The following AK7 variants were observed in gnomAD, a reference collection of about 807,000 sequenced individuals.
AK7 encodes adenylate kinase 7, also known as ATP-AMP transphosphorylase 7.
A neutral mutation model predicts 96.6 loss-of-function variants in AK7; 78 were observed. The observed-to-expected ratio is 0.81, with a 90% CI of 0.67 to 0.97. The LOEUF (loss-of-function observed/expected upper bound fraction) is 0.97. AK7 is among the 50% of genes least tolerant of loss of function. The pLI is 0.00. For missense variants in AK7, 855 were observed against 887.9 expected, an observed-to-expected ratio of 0.96 and a Z score of 0.47; for synonymous variants, 302 against 317.2, an observed-to-expected ratio of 0.95 and a Z score of 0.51.
chr14:96,474,854 A>G (rs1040130782), intron 14 of AK7, among the ~76,000 whole-genome samples: 1 of 152,208 alleles, frequency 6.6e-6, no homozygotes, highest in African/African-American at 2.4e-5. Flanking sequence ...TGTGCCAGGC[A>G]CTCATTGAAC....
At chr14:96,445,796 T>C (rs1436735326) in intron 7 of AK7, among the ~76,000 whole-genome samples, 2 of 152,210 alleles carry the variant, frequency 1.3e-5, no homozygotes, top group Admixed American at 6.5e-5. Flanking sequence ...GGAGGTAGAA[T>C]TGACAAGCCA....
chr14:96,424,860 TTTATG>T (rs1425862535), intron 5 of AK7, among the ~76,000 whole-genome samples: 21 of 152,226 alleles, frequency 1.4e-4, no homozygotes, highest in Admixed American at 1.4e-3. Context: ...TTCTTGATCA[TTTATG>T]TTTAATTTAC....
chr14:96,418,673 C>G (rs1312660114), intron 4 of AK7, among the ~76,000 whole-genome samples: 4 of 152,122 alleles, frequency 2.6e-5, no homozygotes, highest in Non-Finnish European at 5.9e-5. Flanking sequence ...CACCTGCCAC[C>G]AAGCCCAGCT....
intron 12 of AK7, 130 bp downstream of exon 12, chr14:96,458,342 T>A: frequency 8.1e-7 from 1 of 1,237,034 alleles, no homozygotes; most frequent in Non-Finnish European, 1.1e-6. Context: ...ATGCCTGTAA[T>A]CCCAGCACTT....
rs1893257246 is a variant in AK7, at chr14:96,446,752, C to T, written c.870+145C>T. The T allele has an allele frequency of 2.0e-5, 12 of 610,090 alleles. No homozygotes were observed. The South Asian group carries it at 2.3e-4, about 12-fold the overall frequency. The allele number at this position is 610,090 out of a possible 1,614,324, so 37.8% of individuals were successfully genotyped here. A position where few individuals can be genotyped will look rare whatever the true frequency, so the allele number is the denominator to read the frequency against. ...GGTCAGGAGCTCAAGACCAGCCTGA[C>T]CAACATGATGAAACCCCATCTCTAC... On this transcript the variant is annotated intron_variant, in intron 8 of 17. Transcript: ENST00000267584.
At chr14:96,475,819 A>C (rs1895143232) in intron 14 of AK7, among the ~76,000 whole-genome samples, 1 of 151,916 alleles carries the variant, frequency 6.6e-6, no homozygotes, top group Non-Finnish European at 1.5e-5. Context: ...CACACACAAA[A>C]ACATTCTTAA....
At chr14:96,449,700 C>A in intron 8 of AK7, 102 bp from the exon 9 acceptor site, 2 of 809,370 alleles carry the variant, frequency 2.5e-6, no homozygotes, top group South Asian at 1.5e-5. Flanking sequence ...TCCCAAAGTG[C>A]TGGGATTACA....
intron 4 of AK7, among the ~76,000 whole-genome samples, chr14:96,412,048 G>A (rs1037742034): frequency 6.6e-5 from 10 of 152,080 alleles, no homozygotes; most frequent in African/African-American, 2.4e-4. Context: ...TAGAGACGAA[G>A]TCTATAAAAC....
At chr14:96,417,370 G>T (rs1891403175) in intron 4 of AK7, among the ~76,000 whole-genome samples, 1 of 152,210 alleles carries the variant, frequency 6.6e-6, no homozygotes, top group African/African-American at 2.4e-5. Flanking sequence ...TGGATGTCCT[G>T]TGTTTTACCT....
chr14:96,457,234 T>C (rs1330547095), intron 11 of AK7, among the ~76,000 whole-genome samples: 1 of 151,896 alleles, frequency 6.6e-6, no homozygotes, highest in Non-Finnish European at 1.5e-5. Context: ...CTAATTTTTG[T>C]ATTTTTAGTA....
chr14:96,488,842 T>G lies in AK7; in HGVS notation c.*499T>G, dbSNP rs1252093176. The G allele has an allele frequency of 6.6e-6, 1 of 151,192 alleles. No homozygotes were observed. Among genetic ancestry groups the G allele is most frequent in the African/African-American group, 2.4e-5 (1 of 41,180 alleles). The allele number at this position is 151,192 out of a possible 1,614,324, so 9.4% of individuals were successfully genotyped here. On this transcript the variant is annotated 3_prime_UTR_variant, in exon 18 of 18. Transcript: ENST00000267584. ...AAGGTGGCTTTTTTTTTTTTTTTTTTTAAATGAAGCAATGGTTAGGGAAAG... is the reference window on the plus strand; with the variant it reads ...AAGGTGGCTTTTTTTTTTTTTTTTTGTAAATGAAGCAATGGTTAGGGAAAG...
intron 8 of AK7, 128 bp from the exon 9 acceptor site, chr14:96,449,674 T>A: frequency 1.6e-6 from 1 of 625,314 alleles, no homozygotes; most frequent in South Asian, 1.8e-5. Context: ...TTACGGGTGA[T>A]CCGCCCACCT....
chr14:96,466,234 T>C (rs1894559770), intron 12 of AK7, among the ~76,000 whole-genome samples: 2 of 150,974 alleles, frequency 1.3e-5, no homozygotes, highest in Admixed American at 1.3e-4. Context: ...TTTTATTACT[T>C]ATTTATTTAT....
In AK7 at chr14:96,456,427, G is replaced by C. The variant is rs1456583330; in HGVS notation, c.1179G>C (p.Leu393=). The C allele has an allele frequency of 6.2e-7, 1 of 1,613,714 alleles. No individual in the cohort carries two copies. The highest frequency in any genetic ancestry group is 2.2e-5 in the East Asian group (1 of 44,878). Residue 393 remains leucine (L), a synonymous_variant, in exon 11 of 18, where the codon CTG becomes CTC. Transcript: ENST00000267584. ...IAKELANYYK[L]HHIQLKDVIS... ...AAGAATTGGCCAACTACTACAAACT[G>C]CATCACATCCAACTGAAGGATGTCA...
intron 15 of AK7, among the ~76,000 whole-genome samples, chr14:96,480,437 A>G (rs140533574): frequency 0.011 from 1,750 of 152,226 alleles, 43 homozygotes; most frequent in African/African-American, 0.04. Context: ...CTCAAAAAAA[A>G]AAAAAGAAAT....
intron 12 of AK7, among the ~76,000 whole-genome samples, chr14:96,467,910 A>G (rs984304789): frequency 3.9e-5 from 6 of 151,948 alleles, no homozygotes; most frequent in African/African-American, 1.5e-4. Context: ...CCCAAGTGGA[A>G]CACTTTTGCT....
chr14:96,471,626 T>A lies in AK7; in HGVS notation c.1486+20T>A. The A allele has an allele frequency of 6.6e-7, 1 of 1,505,618 alleles. No homozygotes were observed. Among genetic ancestry groups the A allele is most frequent in the Non-Finnish European group, 8.9e-7 (1 of 1,128,808 alleles). 93.3% of individuals were successfully genotyped at this position (1,505,618 alleles called of 1,614,324 possible). ...TCAATCGTAAGTTTGAGTGTTCTAT[T>A]TTGAGTATTTATATTCAGATAAGTT... is the stretch of plus-strand genomic sequence containing the variant. On this transcript the variant is annotated intron_variant, in intron 13 of 17. Coordinates refer to ENST00000267584, the MANE Select transcript of AK7 (RefSeq NM_152327.5).
In AK7 at chr14:96,478,478, A is replaced by G; in HGVS notation, c.1569A>G (p.Ala523=). 6.2e-7 allele frequency: 1 copy of G among 1,614,140 alleles called. No individual in the cohort carries two copies. Among genetic ancestry groups the G allele is most frequent in the South Asian group, 1.1e-5 (1 of 91,074 alleles). ...CCTTCTCCCCAGAATTCGTTTGTGC[A>G]CTGGATGCTTCGGATGAGTTTCTGA... ...DKLIIPEFVC[A]LDASDEFLKE... Residue 523 remains alanine, a synonymous_variant, in exon 15 of 18, where the codon GCA becomes GCG. Coordinates refer to ENST00000267584, the MANE Select transcript of AK7 (RefSeq NM_152327.5).
chr14:96,415,770 A>G (rs1891303643), intron 4 of AK7, among the ~76,000 whole-genome samples: 1 of 145,442 alleles, frequency 6.9e-6, no homozygotes, highest in Non-Finnish European at 1.5e-5. Flanking sequence ...TACATTAATT[A>G]ATTAAATTAA....
Sources: allele counts gnomAD v4.1 joint callset (sites outside exome capture counted in the v4.1 genomes callset), GRCh38; gene constraint gnomAD v4.1.1; transcripts MANE v1.5; gene names NCBI Gene and HGNC (gene_info 2026-07-23, HGNC 2026-07-21).